The following LEPR variants were observed in gnomAD, a reference collection of about 807,000 sequenced individuals.
LEPR encodes OB receptor.
A neutral mutation model predicts 114.7 loss-of-function variants in LEPR; 56 were observed. The ratio of observed to expected loss-of-function variants is 0.49; its 90% CI spans 0.39 to 0.61. The LOEUF (loss-of-function observed/expected upper bound fraction) is 0.61. LEPR is among the 20% of genes least tolerant of loss of function. The pLI is 0.00. For missense variants in LEPR, 1,202 were observed against 1,352.9 expected, an observed-to-expected ratio of 0.89 and a Z score of 1.75; for synonymous variants, 443 against 461.4, an observed-to-expected ratio of 0.96 and a Z score of 0.51.
chr1:65,475,833 T>C (rs1283840260), intron 2 of LEPR, among the ~76,000 whole-genome samples: 2 of 151,890 alleles, frequency 1.3e-5, no homozygotes, highest in African/African-American at 4.8e-5. Context: ...TTAGACAACA[T>C]AGTGAAACCC....
intron 2 of LEPR, among the ~76,000 whole-genome samples, chr1:65,564,711 A>G (rs1653598768): frequency 6.6e-6 from 1 of 152,228 alleles, no homozygotes. Context: ...TTTGTAGATG[A>G]GGAACCTGAG....
At chr1:65,623,156 C>A (rs1657986970) in intron 19 of LEPR, 175 bp downstream of exon 19, 2 of 659,482 alleles carry the variant, frequency 3.0e-6, no homozygotes, top group South Asian at 2.0e-5. Flanking sequence ...GATTTGAAAT[C>A]AGGAAGAAAC....
Position 65,640,672 on chromosome 1 carries a change from A to G in LEPR, c.*3657A>G, listed in dbSNP as rs2101050985. 1 of 152,248 alleles carries G rather than the reference A, an allele frequency of 6.6e-6. No individual in the cohort carries two copies. Among genetic ancestry groups the G allele is most frequent in the Non-Finnish European group, 1.5e-5 (1 of 68,004 alleles). 9.4% of individuals were successfully genotyped at this position (152,248 alleles called of 1,614,324 possible). On this transcript the variant is annotated 3_prime_UTR_variant, in exon 20 of 20. Coordinates refer to ENST00000349533, the MANE Select transcript of LEPR (RefSeq NM_002303.6). ...TTAAAACATGATCAGCCTGTATGAG[A>G]ACTGGGATATTGTTACATATTCAGC...
At chr1:65,503,232 G>A (rs1034525054) in intron 2 of LEPR, among the ~76,000 whole-genome samples, 7 of 152,052 alleles carry the variant, frequency 4.6e-5, no homozygotes, top group African/African-American at 1.7e-4. Context: ...CCATAATGGT[G>A]GGTACTCAAC....
chr1:65,564,750 C>T (rs1653602733), intron 2 of LEPR, among the ~76,000 whole-genome samples: 1 of 152,206 alleles, frequency 6.6e-6, no homozygotes, highest in South Asian at 2.1e-4. Flanking sequence ...CCAAGTCCCA[C>T]AGCTGATTAC....
At chr1:65,566,363 C>T in intron 3 of LEPR, among the ~76,000 whole-genome samples, 1 of 152,038 alleles carries the variant, frequency 6.6e-6, no homozygotes, top group East Asian at 1.9e-4. Context: ...CCACCATGCC[C>T]AGATAATTTT....
intron 5 of LEPR, among the ~76,000 whole-genome samples, chr1:65,581,846 A>G (rs1361506007): frequency 2.6e-5 from 4 of 152,332 alleles, no homozygotes; most frequent in East Asian, 1.9e-4. Flanking sequence ...GGCACATTCT[A>G]TACTTTCCAC....
intron 11 of LEPR, among the ~76,000 whole-genome samples, chr1:65,607,608 G>A (rs950617189): frequency 4.6e-5 from 7 of 152,220 alleles, no homozygotes; most frequent in African/African-American, 1.7e-4. Context: ...ATCAAGACAT[G>A]ACTATGTAAA....
At chr1:65,459,659 C>T (rs556242647) in intron 2 of LEPR, among the ~76,000 whole-genome samples, 14 of 152,318 alleles carry the variant, frequency 9.2e-5, no homozygotes, top group Non-Finnish European at 8.8e-5. Flanking sequence ...GACAAAGAAG[C>T]GTGAATTTAT....
At chr1:65,606,997 CAAG>C (rs1656855670) in intron 11 of LEPR, among the ~76,000 whole-genome samples, 1 of 152,072 alleles carries the variant, frequency 6.6e-6, no homozygotes, top group Non-Finnish European at 1.5e-5. Flanking sequence ...AGACTTGGAG[CAAG>C]AGAATAATAA....
At chr1:65,615,376 C>T (rs796704672) in intron 14 of LEPR, among the ~76,000 whole-genome samples, 6 of 152,224 alleles carry the variant, frequency 3.9e-5, no homozygotes, top group East Asian at 1.9e-4. Context: ...ATTTTACATT[C>T]GGATCTTTAA....
At chr1:65,589,245 G>A (rs756019305) in intron 5 of LEPR, among the ~76,000 whole-genome samples, 5 of 151,926 alleles carry the variant, frequency 3.3e-5, no homozygotes, top group Non-Finnish European at 5.9e-5. Context: ...GTAACATTTT[G>A]CCTATCTTTT....
intron 5 of LEPR, among the ~76,000 whole-genome samples, 158 bp downstream of exon 5, chr1:65,572,607 TCTC>T (rs1654280133): frequency 6.6e-6 from 1 of 152,162 alleles, no homozygotes; most frequent in Admixed American, 6.5e-5. Flanking sequence ...TTTCCTCTTT[TCTC>T]CTCCTGCTAA....
At chr1:65,434,241 A>T (rs889668112) in intron 2 of LEPR, 2 of 978,226 alleles carry the variant, frequency 2.0e-6, no homozygotes, top group Non-Finnish European at 2.4e-6. Context: ...AATAGGAAAT[A>T]TTGCTATATC....
chr1:65,495,189 A>G lies in LEPR; in HGVS notation c.-21+69811A>G, dbSNP rs116857480. 8.5e-4 allele frequency among the ~76,000 whole-genome samples: 129 copies of G among 152,296 alleles called. 1 individual carries two copies. Among genetic ancestry groups the G allele is most frequent in the East Asian group, 8.1e-3 (42 of 5,192 alleles). ...CCGATAAGGGGTCAATATCCAAAAT[A>G]TACAAGGAGCTGAAACAACTCAATA... On this transcript the variant is annotated intron_variant, in intron 2 of 19. Transcript: ENST00000349533.
intron 2 of LEPR, among the ~76,000 whole-genome samples, chr1:65,471,627 T>C (rs1647084288): frequency 6.6e-6 from 1 of 152,188 alleles, no homozygotes; most frequent in Non-Finnish European, 1.5e-5. Context: ...AAATCTTTGA[T>C]GGACAAACAG....
chr1:65,567,157 T>C (rs1570712614), intron 3 of LEPR, among the ~76,000 whole-genome samples: 1 of 152,174 alleles, frequency 6.6e-6, no homozygotes, highest in East Asian at 1.9e-4. Flanking sequence ...TTAGGATTCA[T>C]TTGGAGGGAA....
chr1:65,634,710 G>A (rs1658653763), intron 19 of LEPR: 1 of 951,562 alleles, frequency 1.1e-6, no homozygotes, highest in African/African-American at 1.8e-5. Flanking sequence ...TTTTTTGTAT[G>A]TATTCCTTGT....
Position 65,472,411 on chromosome 1 carries a change from A to AACACACACACACACACACACACAC in LEPR, c.-21+47044_-21+47067dup, listed in dbSNP as rs71721804. 1.5e-3 allele frequency among the ~76,000 whole-genome samples: 203 copies of AACACACACACACACACACACACAC among 133,286 alleles called. 3 individuals are homozygous for AACACACACACACACACACACACAC. Among genetic ancestry groups the AACACACACACACACACACACACAC allele is most frequent in the African/African-American group, 4.9e-3 (171 of 34,604 alleles). 87.4% of individuals were successfully genotyped at this position (133,286 alleles called of 152,430 possible). On this transcript the variant is annotated intron_variant, in intron 2 of 19. Transcript: ENST00000349533. ...CTCTGGGTCATTTAGCTGTGGCTAA[A>AACACACACACACACACACACACAC]ACACACACACACACACACACACACA...
Sources: allele counts gnomAD v4.1 joint callset (sites outside exome capture counted in the v4.1 genomes callset), GRCh38; gene constraint gnomAD v4.1.1; transcripts MANE v1.5; gene names NCBI Gene and HGNC (gene_info 2026-07-23, HGNC 2026-07-21).